TMEM117: variants seen among roughly 807,000 people sequenced by gnomAD.
TMEM117 encodes transmembrane protein 117.
In TMEM117, 27 loss-of-function variants were observed where a neutral mutation model predicts 52.4. The ratio of observed to expected loss-of-function variants is 0.51; its 90% CI spans 0.38 to 0.71. The LOEUF (loss-of-function observed/expected upper bound fraction) is 0.71, where lower values mean the gene tolerates loss of function less well. Ranked by LOEUF, TMEM117 falls within the 30% of genes least tolerant of loss-of-function variation. TMEM117 has a pLI of 0.00. For synonymous variants in TMEM117, 215 were observed against 206.3 expected (o/e 1.04, Z -0.36); for missense variants, 556 against 630.5 (o/e 0.88, Z 1.26).
chr12:44,298,186 T>C (rs1324765397), intron 5 of TMEM117, among the ~76,000 whole-genome samples: 1 of 150,712 alleles, frequency 6.6e-6, no homozygotes, highest in Non-Finnish European at 1.5e-5. Context: ...AATTTTTGGC[T>C]TAGAGGTTTA....
chr12:43,904,472 C>A (rs910032068), intron 2 of TMEM117, among the ~76,000 whole-genome samples: 3 of 152,100 alleles, frequency 2.0e-5, no homozygotes, highest in Non-Finnish European at 4.4e-5. Flanking sequence ...CAATCCTAGA[C>A]CTTTCATCAG....
At chr12:43,853,554 C>T (rs926740620) in intron 2 of TMEM117, among the ~76,000 whole-genome samples, 9 of 152,230 alleles carry the variant, frequency 5.9e-5, no homozygotes, top group African/African-American at 2.2e-4. Context: ...GGATTACAGG[C>T]GTGAGCCACT....
In TMEM117 at chr12:44,160,791, G is replaced by C. The variant is rs184476064; in HGVS notation, c.510+17167G>C. On this transcript the variant is annotated intron_variant, in intron 4 of 7. Transcript: ENST00000266534. Reference sequence around the variant, plus strand: ...CATGCCAGCCTGGGCAACATAGTGAGATCCTGTTTCTAAAAAAAGAAATTA... The same window carrying C: ...CATGCCAGCCTGGGCAACATAGTGACATCCTGTTTCTAAAAAAAGAAATTA... Among the ~76,000 whole-genome samples the C allele has an allele frequency of 1.5e-3, 225 of 152,262 alleles. 2 individuals are homozygous for C. The highest frequency in any genetic ancestry group is 5.1e-3 in the African/African-American group (212 of 41,564).
intron 4 of TMEM117, among the ~76,000 whole-genome samples, chr12:44,152,742 TA>T (rs1167867537): frequency 1.4e-5 from 2 of 138,302 alleles, no homozygotes; most frequent in Non-Finnish European, 1.5e-5. Context: ...TTTATATTTA[TA>T]ATTATATTTA....
chr12:43,894,796 T>G (rs1944170088), intron 2 of TMEM117, among the ~76,000 whole-genome samples: 1 of 152,238 alleles, frequency 6.6e-6, no homozygotes, highest in African/African-American at 2.4e-5. Flanking sequence ...CTGTCATTGA[T>G]GGACATTCTG....
chr12:44,042,507 C>A (rs1009135898), intron 3 of TMEM117, among the ~76,000 whole-genome samples: 8 of 152,016 alleles, frequency 5.3e-5, no homozygotes, highest in Admixed American at 1.3e-4. Context: ...CTGGGGAAGG[C>A]AGACCCACCC....
intron 2 of TMEM117, among the ~76,000 whole-genome samples, chr12:43,943,047 G>T (rs1034128364): frequency 6.6e-6 from 1 of 151,650 alleles, no homozygotes; most frequent in Non-Finnish European, 1.5e-5. Context: ...GCATGGTGGC[G>T]CATGCCTGTA....
In TMEM117 at chr12:43,904,238, G is replaced by C. The variant is rs558512668; in HGVS notation, c.278-39972G>C. ...AAAAACAACCTTTTAGGCCAGACACGGTGGCTCATGCCTGTAATCCCAGAA... is the reference window on the plus strand; with the variant it reads ...AAAAACAACCTTTTAGGCCAGACACCGTGGCTCATGCCTGTAATCCCAGAA... On this transcript the variant is annotated intron_variant, in intron 2 of 7. Coordinates refer to ENST00000266534, the MANE Select transcript of TMEM117 (RefSeq NM_032256.3). Among the ~76,000 whole-genome samples, 5 of 152,188 alleles carry C rather than the reference G, an allele frequency of 3.3e-5. No homozygotes were observed. The East Asian group carries it at 9.6e-4, about 29-fold the overall frequency.
intron 5 of TMEM117, among the ~76,000 whole-genome samples, chr12:44,294,963 C>T (rs564439678): frequency 6.6e-6 from 1 of 152,268 alleles, no homozygotes; most frequent in South Asian, 2.1e-4. Context: ...AGTGAAACCA[C>T]AGATAAAGGG....
At chr12:43,893,163 A>C (rs555630743) in intron 2 of TMEM117, among the ~76,000 whole-genome samples, 1 of 152,248 alleles carries the variant, frequency 6.6e-6, no homozygotes, top group Non-Finnish European at 1.5e-5. Flanking sequence ...TATTCTAAGT[A>C]TAATGTAAAA....
chr12:44,303,301 G>A (rs1407462258), intron 6 of TMEM117, among the ~76,000 whole-genome samples: 3 of 151,784 alleles, frequency 2.0e-5, no homozygotes, highest in Admixed American at 6.6e-5. Context: ...CGCCCACCTC[G>A]GCCTCCCAAA....
At chr12:43,813,363 C>A in the TMEM117 span, among the ~76,000 whole-genome samples, 2 of 151,044 alleles carry the variant, frequency 1.3e-5, no homozygotes, top group South Asian at 4.2e-4. Context: ...CCTGCCTCAG[C>A]CTCCACAGTA....
intron 6 of TMEM117, among the ~76,000 whole-genome samples, chr12:44,357,589 A>T (rs1004951493): frequency 6.6e-6 from 1 of 152,154 alleles, no homozygotes; most frequent in African/African-American, 2.4e-5. Context: ...GTTACTAATC[A>T]TCAGAGACAT....
chr12:43,958,159 A>C (rs961493217), intron 3 of TMEM117, among the ~76,000 whole-genome samples: 1 of 152,206 alleles, frequency 6.6e-6, no homozygotes, highest in Non-Finnish European at 1.5e-5. Context: ...AACAGGTTTA[A>C]GTAACAGTAT....
chr12:44,156,647 A>G (rs1026967736), intron 4 of TMEM117, among the ~76,000 whole-genome samples: 1 of 152,094 alleles, frequency 6.6e-6, no homozygotes, highest in Admixed American at 6.6e-5. Flanking sequence ...ACATTTGGAC[A>G]TATTCTATGT....
At chr12:44,325,608 T>C (rs1258982289) in intron 6 of TMEM117, among the ~76,000 whole-genome samples, 1 of 152,092 alleles carries the variant, frequency 6.6e-6, no homozygotes, top group Non-Finnish European at 1.5e-5. Flanking sequence ...CTCATTGTCT[T>C]GTAATAGCTC....
chr12:43,826,812 T>C, the TMEM117 span, among the ~76,000 whole-genome samples: 75 of 152,252 alleles, frequency 4.9e-4, no homozygotes, highest in African/African-American at 1.8e-3. Flanking sequence ...CTCATTCTAA[T>C]AGAGTTGCGT....
Position 43,973,007 on chromosome 12 carries a change from G to T in TMEM117, c.410+28665G>T, listed in dbSNP as rs1033051056. Among the ~76,000 whole-genome samples, 3 of 152,184 alleles carry T rather than the reference G, an allele frequency of 2.0e-5. No individual in the cohort carries two copies. In the South Asian group the frequency reaches 6.2e-4, roughly 32 times the overall value. On this transcript the variant is annotated intron_variant, in intron 3 of 7. Transcript: ENST00000266534. ...TTTAAAGTATATTTCCTACCTAGTT[G>T]TTACATATCAAAGCTCTCATAATAT... is the stretch of plus-strand genomic sequence containing the variant.
chr12:44,262,861 ACAGG>A (rs1950336286), intron 5 of TMEM117, among the ~76,000 whole-genome samples: 1 of 152,238 alleles, frequency 6.6e-6, no homozygotes, highest in African/African-American at 2.4e-5. Context: ...TGCTGGGATT[ACAGG>A]CGTGAGCCAC....
Sources: gnomAD v4.1 joint callset for allele counts (sites outside exome capture counted in the v4.1 genomes callset) on GRCh38, gnomAD v4.1.1 for gene constraint, MANE v1.5 for transcripts, NCBI Gene and HGNC (gene_info 2026-07-23, HGNC 2026-07-21) for gene names.